RBM39: variants seen among roughly 807,000 people sequenced by gnomAD.
RBM39 encodes the protein RNA-binding protein 39.
In RBM39, 12 loss-of-function variants were observed where a neutral mutation model predicts 79.6. The observed-to-expected ratio is 0.15, with a 90% confidence interval of 0.10 to 0.24. The LOEUF (loss-of-function observed/expected upper bound fraction) is 0.24, where lower values mean the gene tolerates loss of function less well. Ranked by LOEUF, RBM39 falls within the 10% of genes least tolerant of loss-of-function variation. The pLI, the probability that RBM39 is intolerant of heterozygous loss-of-function variation, is 1.00. For missense variants in RBM39, 243 were observed against 653.4 expected (o/e 0.37, Z 6.85); for synonymous variants, 185 against 208.4 (o/e 0.89, Z 0.97).
At chr20:35,735,203 C>T in intron 3 of RBM39, 1 of 1,304,938 alleles carries the variant, frequency 7.7e-7, no homozygotes, top group Non-Finnish European at 9.9e-7. Flanking sequence ...GAGTAATTCT[C>T]TAAAGAGCTT....
At chr20:35,733,487 T>C (rs1451812199) in intron 3 of RBM39, among the ~76,000 whole-genome samples, 7 of 151,954 alleles carry the variant, frequency 4.6e-5, no homozygotes, top group African/African-American at 1.7e-4. Flanking sequence ...CACAGGCCTG[T>C]AGTTCCAGCT....
chr20:35,722,758 C>G (rs2038138215), intron 8 of RBM39, among the ~76,000 whole-genome samples: 1 of 151,408 alleles, frequency 6.6e-6, no homozygotes, highest in Admixed American at 6.6e-5. Context: ...ACAGTGAAAC[C>G]CCGTCTCTAC....
intron 3 of RBM39, among the ~76,000 whole-genome samples, chr20:35,737,934 A>G (rs2040134893): frequency 6.6e-6 from 1 of 150,926 alleles, no homozygotes; most frequent in Admixed American, 6.6e-5. Context: ...CAGGAGGATC[A>G]TGAGAGGTCA....
At chr20:35,716,111 G>A (rs1021128541) in intron 10 of RBM39, among the ~76,000 whole-genome samples, 5 of 151,678 alleles carry the variant, frequency 3.3e-5, no homozygotes, top group African/African-American at 4.8e-5. Context: ...TGTTGCCCAG[G>A]CTGGAGCACT....
chr20:35,701,887 G>C lies in RBM39; in HGVS notation c.*2594C>G, dbSNP rs557135587. 6.6e-6 allele frequency: 1 copy of C among 151,264 alleles called. No homozygotes were observed. The highest frequency in any genetic ancestry group is 6.6e-5 in the Admixed American group (1 of 15,224). The allele number at this position is 151,264 out of a possible 1,614,324, so 9.4% of individuals were successfully genotyped here. ...CACATATACAGGCATAAGGCACCAC[G>C]TCCAGCCCGAGGTTGTTATTTAGAT... On this transcript the variant is annotated 3_prime_UTR_variant, in exon 17 of 17. Coordinates refer to ENST00000253363, the MANE Select transcript of RBM39 (RefSeq NM_184234.3).
intron 9 of RBM39, among the ~76,000 whole-genome samples, chr20:35,719,307 C>G (rs958623775): frequency 1.3e-5 from 2 of 152,164 alleles, no homozygotes; most frequent in African/African-American, 4.8e-5. Context: ...GCAGGGATCA[C>G]AGGCATGAGC....
chr20:35,714,383 C>A lies in RBM39; in HGVS notation c.898G>T (p.Asp300Tyr). The A allele has an allele frequency of 6.2e-7, 1 of 1,613,916 alleles. No individual in the cohort carries two copies. Among genetic ancestry groups the A allele is most frequent in the South Asian group, 1.1e-5 (1 of 91,038 alleles). Residue 300 changes from aspartate (D) to tyrosine (Y), a missense_variant, in exon 11 of 17, where the codon GAC (aspartate) becomes TAC (tyrosine). Around this residue, in one of 4 missense-constraint regions of RBM39, gnomAD observed 61 missense variants for 322.9 expected, o/e 0.19. Transcript: ENST00000253363. ...SKGYGFITFS[D>Y]SECAKKALEQ... The stretch of plus-strand genomic sequence containing the variant: ...AAAGCCTTTTTGGCACATTCTGAGT[C>A]AGAAAACTACATGATAGGGGAGGCA...
At chr20:35,723,648 G>A (rs1364944000) in intron 8 of RBM39, among the ~76,000 whole-genome samples, 2 of 152,124 alleles carry the variant, frequency 1.3e-5, no homozygotes, top group Non-Finnish European at 1.5e-5. Context: ...ATGTTGGCCA[G>A]GCTGGTCTCG....
Position 35,705,334 on chromosome 20 carries a change from TAAGA to T in RBM39, c.1308-8_1308-5del, listed in dbSNP as rs750188973. On this transcript the variant is annotated splice_region_variant and splice_polypyrimidine_tract_variant and intron_variant, in intron 14 of 16. Transcript: ENST00000253363. The stretch of plus-strand genomic sequence containing the variant: ...ATCCCATCCAACTTCTTCTTCTCTG[TAAGA>T]AAGTATTAAGGACTCTTAAATACTA... The T allele has an allele frequency of 3.3e-6, 5 of 1,520,826 alleles. No individual in the cohort carries two copies. In the South Asian group the frequency reaches 5.9e-5, roughly 18 times the overall value. 94.2% of individuals were successfully genotyped at this position (1,520,826 alleles called of 1,614,324 possible).
chr20:35,732,346 A>G, intron 3 of RBM39: 1 of 573,408 alleles, frequency 1.7e-6, no homozygotes, highest in South Asian at 2.1e-5. Flanking sequence ...TCACAAGGTC[A>G]GGAGTTCAAG....
intron 9 of RBM39, among the ~76,000 whole-genome samples, chr20:35,721,097 C>A (rs748081947): frequency 1.3e-5 from 2 of 152,042 alleles, no homozygotes; most frequent in African/African-American, 4.8e-5. Context: ...CGCACCAACA[C>A]GCCCAGCTAA....
rs375806286 is a variant in RBM39, at chr20:35,709,207, T to C, written c.1225+17A>G. ...ATTTCAAAGACAAAAATAAAAAATA[T>C]GAACACTTCAACTCACCTTCAGTCT... On this transcript the variant is annotated intron_variant, in intron 13 of 16. Coordinates refer to ENST00000253363, the MANE Select transcript of RBM39 (RefSeq NM_184234.3). 256 of 1,581,402 alleles carry C rather than the reference T, an allele frequency of 1.6e-4. No homozygotes were observed. Among genetic ancestry groups the C allele is most frequent in the Non-Finnish European group, 2.2e-4 (252 of 1,163,922 alleles).
chr20:35,738,800 C>G (rs2040243653), intron 3 of RBM39, among the ~76,000 whole-genome samples, 168 bp downstream of exon 3: 1 of 152,230 alleles, frequency 6.6e-6, no homozygotes, highest in Non-Finnish European at 1.5e-5. Context: ...AAAAAATCCA[C>G]AGTTCCTCCA....
At chr20:35,728,387 G>GT (rs1284774533) in intron 6 of RBM39, among the ~76,000 whole-genome samples, 2 of 151,816 alleles carry the variant, frequency 1.3e-5, no homozygotes, top group East Asian at 3.8e-4. Flanking sequence ...GTATCAAAAC[G>GT]TAACTGTATT....
intron 5 of RBM39, 34 bp from the exon 6 acceptor site, chr20:35,729,399 A>G: frequency 6.2e-7 from 1 of 1,604,526 alleles, no homozygotes; most frequent in Non-Finnish European, 8.5e-7. Flanking sequence ...AGTTATCCAA[A>G]CAAGTACAGC....
Position 35,724,615 on chromosome 20 carries a change from A to G in RBM39, c.642T>C (p.Thr214=). Residue 214 remains threonine (T), a synonymous_variant, in exon 8 of 17, where the codon ACT becomes ACC. Transcript: ENST00000253363. The part of the protein sequence containing the change: ...VSSVPLAIGL[T]GQRVLGVPII... Reference sequence around the variant, plus strand: ...TTGGCACGCCTAAAACTCGTTGGCCAGTTAATCCTATTGCTAGAGGCACTG... The same window carrying G: ...TTGGCACGCCTAAAACTCGTTGGCCGGTTAATCCTATTGCTAGAGGCACTG... The G allele has an allele frequency of 6.2e-7, 1 of 1,614,178 alleles. No individual in the cohort carries two copies. Among genetic ancestry groups the G allele is most frequent in the Non-Finnish European group, 8.5e-7 (1 of 1,180,034 alleles).
rs576612314 is a variant in RBM39, at chr20:35,704,161, A to G, written c.*320T>C. On this transcript the variant is annotated 3_prime_UTR_variant, in exon 17 of 17. Coordinates refer to ENST00000253363, the MANE Select transcript of RBM39 (RefSeq NM_184234.3). ...AAAAAGTTAGGCTTCTGAAACATTA[A>G]AAACATTACATCCCTGGTCTGCCTT... The G allele has an allele frequency of 1.1e-5, 2 of 179,122 alleles. No homozygotes were observed. The highest frequency in any genetic ancestry group is 5.5e-5 in the Admixed American group (1 of 18,252). The allele number at this position is 179,122 out of a possible 1,614,324, so 11.1% of individuals were successfully genotyped here.
chr20:35,728,306 C>T (rs531346208), intron 6 of RBM39, among the ~76,000 whole-genome samples: 2 of 152,272 alleles, frequency 1.3e-5, no homozygotes, highest in South Asian at 2.1e-4. Context: ...ATAACTGCTA[C>T]GTTGCCAACA....
chr20:35,732,318 T>A (rs2039459715), intron 3 of RBM39, 183 bp from the exon 4 acceptor site: 1 of 613,250 alleles, frequency 1.6e-6, no homozygotes, highest in Non-Finnish European at 2.8e-6. Context: ...AGCACTTTGG[T>A]AGGCCGAGGC....
Sources: allele counts gnomAD v4.1 joint callset (sites outside exome capture counted in the v4.1 genomes callset), GRCh38; gene constraint gnomAD v4.1.1; regional missense constraint gnomAD v4.1.1; transcripts MANE v1.5; gene names NCBI Gene and HGNC (gene_info 2026-07-23, HGNC 2026-07-21).